Variants in TRIP11 observed in about 807,000 individuals in gnomAD.
The protein encoded by TRIP11 is thyroid receptor-interacting protein 11.
In TRIP11, 148 loss-of-function variants were observed where a neutral mutation model predicts 223.1. The observed-to-expected ratio is 0.66, with a 90% confidence interval of 0.58 to 0.76. The LOEUF (loss-of-function observed/expected upper bound fraction) is 0.76. Among genes scored for constraint, TRIP11 ranks in the 30% least tolerant of loss-of-function variants. The pLI is 0.00. For synonymous variants in TRIP11, 762 were observed against 772.6 expected, an observed-to-expected ratio of 0.99 and a Z score of 0.23; for missense variants, 2,043 against 2,222.0, an observed-to-expected ratio of 0.92 and a Z score of 1.62.
At chr14:91,988,249 T>G in intron 16 of TRIP11, 35 bp downstream of exon 16, 2 of 1,520,580 alleles carry the variant, frequency 1.3e-6, no homozygotes, top group South Asian at 2.3e-5. Flanking sequence ...ATATCAGTAT[T>G]GTAGTGGGGG....
At chr14:92,010,207 C>T (rs994248747) in intron 9 of TRIP11, among the ~76,000 whole-genome samples, 1 of 152,186 alleles carries the variant, frequency 6.6e-6, no homozygotes, top group African/African-American at 2.4e-5. Flanking sequence ...CTTCTTTCTA[C>T]CACTGAAACT....
intron 20 of TRIP11, among the ~76,000 whole-genome samples, chr14:91,972,121 T>C (rs551079848): frequency 6.6e-6 from 1 of 152,334 alleles, no homozygotes; most frequent in South Asian, 2.1e-4. Context: ...CCTTACAATT[T>C]AGTGAGACAG....
chr14:91,986,576 C>G (rs1463229410), intron 16 of TRIP11, among the ~76,000 whole-genome samples: 1 of 152,140 alleles, frequency 6.6e-6, no homozygotes, highest in Non-Finnish European at 1.5e-5. Context: ...AATTTACCAT[C>G]AACTATTGGG....
rs60778253 is a variant in TRIP11 at position 92,029,280 on chromosome 14, A to ATTTTTTTTT, written c.202-3869_202-3861dup. ...TTCTGACTGCATTGCCCAAAGTATTATTTTTTTTTTTTTTTTTTTTTTTTT... is the reference window on the plus strand; with the variant it reads ...TTCTGACTGCATTGCCCAAAGTATTATTTTTTTTTTTTTTTTTTTTTTTTTTTTTTTTTT... On this transcript the variant is annotated intron_variant, in intron 2 of 20. Transcript: ENST00000267622. 5.5e-4 allele frequency among the ~76,000 whole-genome samples: 42 copies of ATTTTTTTTT among 76,798 alleles called. 2 individuals carry two copies. The highest frequency in any genetic ancestry group is 1.7e-3 in the African/African-American group (29 of 17,294). The allele number at this position is 76,798 out of a possible 152,430, so 50.4% of individuals were successfully genotyped here.
Position 91,999,466 on chromosome 14 carries a change from A to G in TRIP11, c.4699-33T>C, listed in dbSNP as rs531141654. On this transcript the variant is annotated intron_variant, in intron 12 of 20. Coordinates refer to ENST00000267622, the MANE Select transcript of TRIP11 (RefSeq NM_004239.4). Reference sequence around the variant, plus strand: ...GAGGACATTATTTTTCTTTTACAAAATGCTCCCTTTCCACTGCTACAAACC... The same window carrying G: ...GAGGACATTATTTTTCTTTTACAAAGTGCTCCCTTTCCACTGCTACAAACC... The G allele has an allele frequency of 1.7e-5, 27 of 1,607,876 alleles. No homozygotes were observed. The African/African-American group carries it at 2.7e-4, about 16-fold the overall frequency.
Position 92,033,025 on chromosome 14 carries a change from T to A in TRIP11, c.201+167A>T, listed in dbSNP as rs563998805. Among the ~76,000 whole-genome samples, 4 of 152,068 alleles carry A rather than the reference T, an allele frequency of 2.6e-5. No homozygotes were observed. The South Asian group carries it at 8.3e-4, about 32-fold the overall frequency. On this transcript the variant is annotated intron_variant, in intron 2 of 20. Coordinates refer to ENST00000267622, the MANE Select transcript of TRIP11 (RefSeq NM_004239.4). ...AAACTGCAGTAACAGGTAAATATAT[T>A]TTTCATCTACAGAAGGTTGATAAAA... is the stretch of plus-strand genomic sequence containing the variant.
At chr14:92,006,522 T>C in intron 10 of TRIP11, 74 bp from the exon 11 acceptor site, 2 of 1,447,174 alleles carry the variant, frequency 1.4e-6, no homozygotes, top group Non-Finnish European at 1.9e-6. Flanking sequence ...TTATAAAATC[T>C]CATACATAAT....
intron 13 of TRIP11, among the ~76,000 whole-genome samples, chr14:91,997,781 A>C (rs1409272207): frequency 6.6e-6 from 1 of 152,212 alleles, no homozygotes; most frequent in African/African-American, 2.4e-5. Flanking sequence ...CCTTGAGTCA[A>C]GACCAGTTTT....
rs751017848 is a variant in TRIP11, at chr14:92,004,545, G to A, written c.3431C>T (p.Ser1144Phe). The change falls in exon 11 of 21, where the codon TCC (serine) becomes TTC (phenylalanine). Residue 1144 changes from serine to phenylalanine, a missense_variant. By Grantham distance (155) the Ser-to-Phe change is radical. Transcript: ENST00000267622. ...TTGGCCACTACTTTCAAATCTAGTG[G>A]ACAATTTTTTATTTTCATCTTGCAG... is the stretch of plus-strand genomic sequence containing the variant. ...IKLQDENKKL[S>F]TRFESSGQDM... 35 of 1,613,146 alleles carry A rather than the reference G, an allele frequency of 2.2e-5. No individual in the cohort carries two copies. The highest frequency in any genetic ancestry group is 3.0e-5 in the Non-Finnish European group (35 of 1,179,882).
chr14:91,991,662 T>A (rs1329404934), intron 15 of TRIP11, among the ~76,000 whole-genome samples: 1 of 152,238 alleles, frequency 6.6e-6, no homozygotes, highest in Non-Finnish European at 1.5e-5. Context: ...AAATACCCTT[T>A]ATTAATAAAA....
At chr14:91,989,965 A>T (rs2056652253) in intron 15 of TRIP11, among the ~76,000 whole-genome samples, 1 of 152,058 alleles carries the variant, frequency 6.6e-6, no homozygotes, top group South Asian at 2.1e-4. Context: ...ATGCCTGCTG[A>T]GTTCCAGCCT....
At position 91,978,351 on chromosome 14, in the gene TRIP11, C is replaced by T. The variant is rs535753036; in HGVS notation, c.5261-2162G>A. On this transcript the variant is annotated intron_variant, in intron 16 of 20. Coordinates refer to ENST00000267622, the MANE Select transcript of TRIP11 (RefSeq NM_004239.4). The surrounding 1 kb of genome is among the most constrained non-coding windows in gnomAD (Gnocchi z 4.4). ...AGGCTACAGAAAGATAGCAGAAAAACAGAGGTCAAGCTTAGCTAACCTACC... is the reference window on the plus strand; with the variant it reads ...AGGCTACAGAAAGATAGCAGAAAAATAGAGGTCAAGCTTAGCTAACCTACC... Among the ~76,000 whole-genome samples, 167 of 152,264 alleles carry T rather than the reference C, an allele frequency of 1.1e-3. 1 individual carries two copies. Among genetic ancestry groups the T allele is most frequent in the African/African-American group, 3.8e-3 (159 of 41,548 alleles).
In TRIP11 at chr14:91,978,336, AAGAT is replaced by A. The variant is rs1302212007; in HGVS notation, c.5261-2151_5261-2148del. On this transcript the variant is annotated intron_variant, in intron 16 of 20. Transcript: ENST00000267622. This position sits in a 1 kb window ranked among gnomAD's most constrained non-coding sequence, Gnocchi z 4.4. ...CTCCATTCCTCCCCAAGGCTACAGA[AAGAT>A]AGCAGAAAAACAGAGGTCAAGCTTA... Among the ~76,000 whole-genome samples the A allele has an allele frequency of 2.0e-5, 3 of 152,060 alleles. No homozygotes were observed. Among genetic ancestry groups the A allele is most frequent in the African/African-American group, 7.2e-5 (3 of 41,398 alleles).
In TRIP11 at chr14:92,005,485, A is replaced by G. The variant is rs773529604; in HGVS notation, c.2491T>C (p.Leu831=). Residue 831 remains leucine (L), a synonymous_variant, in exon 11 of 21, where the codon TTG becomes CTG. Transcript: ENST00000267622. ...KERSSKLQEE[L]DKYSQALRKN... ...CTTAAGGCCTGAGAATATTTATCCA[A>G]TTCCTCCTGCAGCTTTGAACTTCTT... 5.0e-6 allele frequency: 8 copies of G among 1,614,040 alleles called. No individual in the cohort carries two copies. In the South Asian group the frequency reaches 8.8e-5, roughly 18 times the overall value.
At chr14:92,003,081 T>A (rs1335877271) in intron 11 of TRIP11, among the ~76,000 whole-genome samples, 1 of 152,226 alleles carries the variant, frequency 6.6e-6, no homozygotes, top group African/African-American at 2.4e-5. Context: ...TCTAAAATGT[T>A]AACAGCTACT....
intron 14 of TRIP11, among the ~76,000 whole-genome samples, chr14:91,994,802 A>G (rs2056727671): frequency 6.6e-6 from 1 of 152,196 alleles, no homozygotes; most frequent in Non-Finnish European, 1.5e-5. Flanking sequence ...TTTGTTTCTC[A>G]GGGTAGAACT....
Position 92,011,798 on chromosome 14 carries a change from G to A in TRIP11, c.1187-3C>T. 6.2e-7 allele frequency: 1 copy of A among 1,611,210 alleles called. No homozygotes were observed. The highest frequency in any genetic ancestry group is 8.5e-7 in the Non-Finnish European group (1 of 1,178,874). On this transcript the variant is annotated splice_region_variant and splice_polypyrimidine_tract_variant and intron_variant, in intron 7 of 20. Transcript: ENST00000267622. ...TCTCATTATTTCATTTTCGGCATCT[G>A]TAAAAACAGCAAATGAACTTGACAT...
Position 92,000,760 on chromosome 14 carries a change from G to A in TRIP11, c.4558-652C>T, listed in dbSNP as rs1595383626. Among the ~76,000 whole-genome samples, 5 of 152,166 alleles carry A rather than the reference G, an allele frequency of 3.3e-5. No homozygotes were observed. In the South Asian group the frequency reaches 1.0e-3, roughly 32 times the overall value. ...GTATCCACAATTGTTATGAGAGAAA[G>A]TAACTTCACTGCAAAAGTAGGGCCA... On this transcript the variant is annotated intron_variant, in intron 11 of 20. Coordinates refer to ENST00000267622, the MANE Select transcript of TRIP11 (RefSeq NM_004239.4).
rs1324470025 is a variant in TRIP11, at chr14:92,031,211, C to T, written c.201+1981G>A. ...TTGGCTCACTGCAACCTCCACATCC[C>T]GGGTTCAAGTGATTCTCCTGCCTCA... On this transcript the variant is annotated intron_variant, in intron 2 of 20. Transcript: ENST00000267622. Among the ~76,000 whole-genome samples the T allele has an allele frequency of 3.3e-5, 5 of 152,180 alleles. No individual in the cohort carries two copies. In the South Asian group the frequency reaches 8.3e-4, roughly 25 times the overall value.
Sources: gnomAD v4.1 joint callset for allele counts (sites outside exome capture counted in the v4.1 genomes callset) on GRCh38, gnomAD v4.1.1 for gene constraint, Gnocchi (gnomAD v3.1) non-coding constraint, MANE v1.5 for transcripts, NCBI Gene and HGNC (gene_info 2026-07-23, HGNC 2026-07-21) for gene names.